Variants in PEAK1 observed in about 807,000 individuals in gnomAD.
The protein encoded by PEAK1 is pseudopodium enriched atypical kinase 1.
Under a neutral mutation model 124.7 loss-of-function variants are expected in PEAK1, and 54 were observed. The ratio of observed to expected loss-of-function variants is 0.43; its 90% CI spans 0.35 to 0.54. The LOEUF (loss-of-function observed/expected upper bound fraction) is 0.54. PEAK1 is among the 20% of genes least tolerant of loss of function. PEAK1 has a pLI of 0.01. For synonymous variants in PEAK1, 719 were observed against 760.0 expected (o/e 0.95, Z 0.89); for missense variants, 2,046 against 2,134.5 (o/e 0.96, Z 0.82).
intron 6 of PEAK1, among the ~76,000 whole-genome samples, chr15:77,237,656 G>C (rs896673698): frequency 6.6e-6 from 1 of 151,026 alleles, no homozygotes; most frequent in East Asian, 1.9e-4. Context: ...ACTTTGTTCT[G>C]TCAACTTCTG....
rs1034281253 is a variant in PEAK1, at chr15:77,112,658, C to T, written c.*1498G>A. Reference sequence around the variant, plus strand: ...ACAAGCACAGGTGAACATGTGTATACATACACACACACACACACACACACA... The same window carrying T: ...ACAAGCACAGGTGAACATGTGTATATATACACACACACACACACACACACA... On this transcript the variant is annotated 3_prime_UTR_variant, in exon 10 of 10. Transcript: ENST00000682557. 1.3e-5 allele frequency: 1 copy of T among 77,694 alleles called. No homozygotes were observed. The highest frequency in any genetic ancestry group is 6.5e-3 in the Middle Eastern group (1 of 154). The allele number at this position is 77,694 out of a possible 1,614,324, so 4.8% of individuals were successfully genotyped here.
chr15:77,255,889 A>C (rs968568826), intron 5 of PEAK1, among the ~76,000 whole-genome samples: 2 of 152,198 alleles, frequency 1.3e-5, no homozygotes, highest in Non-Finnish European at 2.9e-5. Flanking sequence ...AGGTAGAATA[A>C]AGAAAATATG....
chr15:77,333,782 T>G (rs2066031012), intron 2 of PEAK1: 1 of 893,672 alleles, frequency 1.1e-6, no homozygotes, highest in Non-Finnish European at 1.3e-6. Flanking sequence ...TTAGTCAATA[T>G]CATATGGTTT....
chr15:77,132,716 C>T (rs926387414), intron 9 of PEAK1, among the ~76,000 whole-genome samples: 1 of 143,126 alleles, frequency 7.0e-6, no homozygotes, highest in African/African-American at 2.5e-5. Flanking sequence ...AAAAAAAAGA[C>T]TTCTTTGACT....
At position 77,283,972 on chromosome 15, in the gene PEAK1, T is replaced by A; in HGVS notation, c.-364A>T. The A allele has an allele frequency of 2.0e-6, 2 of 983,750 alleles. No individual in the cohort carries two copies. Among genetic ancestry groups the A allele is most frequent in the Non-Finnish European group, 2.4e-6 (2 of 828,378 alleles). The allele number at this position is 983,750 out of a possible 1,614,324, so 60.9% of individuals were successfully genotyped here. A position where few individuals can be genotyped will look rare whatever the true frequency, so the allele number is the denominator to read the frequency against. On this transcript the variant is annotated 5_prime_UTR_variant, in exon 5 of 10. Coordinates refer to ENST00000682557, the MANE Select transcript of PEAK1 (RefSeq NM_001385026.1). ...TCTCCTTCTTGGATTTTTTCATAAATCATTGAATTCTCACTTTCTCACAAA... is the reference window on the plus strand; with the variant it reads ...TCTCCTTCTTGGATTTTTTCATAAAACATTGAATTCTCACTTTCTCACAAA...
At chr15:77,326,905 G>A (rs1388506550) in intron 2 of PEAK1, among the ~76,000 whole-genome samples, 1 of 152,066 alleles carries the variant, frequency 6.6e-6, no homozygotes, top group African/African-American at 2.4e-5. Flanking sequence ...CAGAAATTAA[G>A]TTTAGCAAGG....
chr15:77,262,470 T>C (rs2061492003), intron 5 of PEAK1, among the ~76,000 whole-genome samples: 1 of 150,962 alleles, frequency 6.6e-6, no homozygotes, highest in Non-Finnish European at 1.5e-5. Flanking sequence ...TAGTCTCTGA[T>C]AAAACAGACT....
At chr15:77,350,498 AT>A (rs1196542297) in intron 2 of PEAK1, 2 of 984,876 alleles carry the variant, frequency 2.0e-6, no homozygotes, top group Non-Finnish European at 1.2e-6. Context: ...TCTTCTAAGA[AT>A]TTTTTAAGCT....
At chr15:77,123,783 T>G (rs1371736797) in intron 9 of PEAK1, among the ~76,000 whole-genome samples, 2 of 152,216 alleles carry the variant, frequency 1.3e-5, no homozygotes, top group African/African-American at 4.8e-5. Context: ...AAGTTTATGT[T>G]AAGTTTTACT....
chr15:77,151,171 C>G (rs1170951147), intron 8 of PEAK1, among the ~76,000 whole-genome samples: 1 of 151,862 alleles, frequency 6.6e-6, no homozygotes, highest in Non-Finnish European at 1.5e-5. Flanking sequence ...CTCTCCAGCA[C>G]CTGTTGTTTC....
intron 8 of PEAK1, among the ~76,000 whole-genome samples, chr15:77,148,692 G>A (rs938758390): frequency 6.6e-6 from 1 of 152,056 alleles, no homozygotes; most frequent in Admixed American, 6.6e-5. Context: ...CAAGGTTGGA[G>A]GACTGCTTGA....
chr15:77,136,832 A>G (rs1173707344), intron 8 of PEAK1, among the ~76,000 whole-genome samples: 1 of 152,244 alleles, frequency 6.6e-6, no homozygotes, highest in African/African-American at 2.4e-5. Flanking sequence ...TTAATCCCCA[A>G]GACAATGGGA....
At chr15:77,119,162 A>G (rs1338172525) in intron 9 of PEAK1, among the ~76,000 whole-genome samples, 1 of 149,392 alleles carries the variant, frequency 6.7e-6, no homozygotes, top group Non-Finnish European at 1.5e-5. Context: ...CCTCGTGTGA[A>G]GAGCACAGAC....
intron 2 of PEAK1, among the ~76,000 whole-genome samples, chr15:77,341,860 G>C (rs115078807): frequency 1.3e-5 from 2 of 152,126 alleles, no homozygotes; most frequent in Admixed American, 1.3e-4. Flanking sequence ...ATGTTAATAA[G>C]GGAAACTGTG....
chr15:77,193,711 G>A (rs925478921), intron 6 of PEAK1, among the ~76,000 whole-genome samples: 2 of 152,136 alleles, frequency 1.3e-5, no homozygotes, highest in African/African-American at 4.8e-5. Flanking sequence ...AGCTGAGGTG[G>A]GAGAATTGCT....
At chr15:77,151,717 C>T (rs543991703) in intron 8 of PEAK1, among the ~76,000 whole-genome samples, 2 of 152,266 alleles carry the variant, frequency 1.3e-5, no homozygotes, top group Admixed American at 6.5e-5. Flanking sequence ...CCAGTTTCAG[C>T]TTTCTACATA....
At chr15:77,173,715 G>C (rs898161385) in intron 7 of PEAK1, among the ~76,000 whole-genome samples, 2 of 152,096 alleles carry the variant, frequency 1.3e-5, no homozygotes, top group Non-Finnish European at 2.9e-5. Flanking sequence ...TCCTTTTCTA[G>C]CCACATGTCC....
intron 6 of PEAK1, among the ~76,000 whole-genome samples, chr15:77,230,835 ACAAGAC>A (rs1436602432): frequency 6.6e-6 from 1 of 152,150 alleles, no homozygotes; most frequent in Admixed American, 6.5e-5. Flanking sequence ...CCTGTCTCAA[ACAAGAC>A]AAAACAAAAC....
intron 5 of PEAK1, among the ~76,000 whole-genome samples, chr15:77,257,868 G>A (rs374745361): frequency 3.9e-5 from 6 of 152,142 alleles, no homozygotes; most frequent in Non-Finnish European, 7.3e-5. Context: ...CAGGTCTAAC[G>A]TTTAAGTCTT....
Sources: allele counts gnomAD v4.1 joint callset (sites outside exome capture counted in the v4.1 genomes callset), GRCh38; gene constraint gnomAD v4.1.1; transcripts MANE v1.5; gene names NCBI Gene and HGNC (gene_info 2026-07-23, HGNC 2026-07-21).